DRC2: variants seen among roughly 807,000 people sequenced by gnomAD.
DRC2 encodes the protein coiled-coil domain containing 65.
chr12:48,919,539 A>T, the DRC2 span, among the ~76,000 whole-genome samples: 5 of 149,624 alleles, frequency 3.3e-5, no homozygotes, highest in Non-Finnish European at 7.4e-5. Flanking sequence ...TTTGAGACGA[A>T]GTTTTATTCA....
At chr12:48,919,147 A>C in the DRC2 span, among the ~76,000 whole-genome samples, 11 of 152,018 alleles carry the variant, frequency 7.2e-5, no homozygotes, top group Admixed American at 7.2e-4. Flanking sequence ...TCCTGGCCTC[A>C]AGCAGTCCTC....
the DRC2 span, chr12:48,918,382 T>A: frequency 6.2e-7 from 1 of 1,614,084 alleles, no homozygotes; most frequent in South Asian, 1.1e-5. Context: ...CCACAGAGGA[T>A]CGAAAGGCTG....
At chr12:48,914,894 T>C in the DRC2 span, among the ~76,000 whole-genome samples, 1 of 152,038 alleles carries the variant, frequency 6.6e-6, no homozygotes, top group East Asian at 1.9e-4. Context: ...AGTGTCGCTC[T>C]GTTGTCCAGG....
chr12:48,905,957 A>G, the DRC2 span, among the ~76,000 whole-genome samples: 1 of 151,930 alleles, frequency 6.6e-6, no homozygotes, highest in African/African-American at 2.4e-5. Context: ...TTTTTAGTTG[A>G]GATGGGGGTT....
At chr12:48,913,534 C>T in the DRC2 span, among the ~76,000 whole-genome samples, 1 of 151,944 alleles carries the variant, frequency 6.6e-6, no homozygotes, top group African/African-American at 2.4e-5. Context: ...GCACTGTCAC[C>T]CGGGCTGGAG....
chr12:48,904,435 A>C, the DRC2 span: 2 of 1,613,894 alleles, frequency 1.2e-6, no homozygotes, highest in African/African-American at 2.7e-5. Flanking sequence ...AGATGGCCAA[A>C]AAGAAGGAGA....
At chr12:48,904,847 C>T in the DRC2 span, 40 of 1,050,670 alleles carry the variant, frequency 3.8e-5, no homozygotes, top group African/African-American at 6.4e-5. Flanking sequence ...CCGTTCCCAT[C>T]GAAAAGGGGT....
chr12:48,912,006 T>C, the DRC2 span, among the ~76,000 whole-genome samples: 1 of 151,366 alleles, frequency 6.6e-6, no homozygotes, highest in South Asian at 2.1e-4. Flanking sequence ...ACACCTGTAA[T>C]CCCAGCACTT....
chr12:48,912,546 C>G, the DRC2 span, among the ~76,000 whole-genome samples: 1 of 151,128 alleles, frequency 6.6e-6, no homozygotes, highest in Admixed American at 6.6e-5. Flanking sequence ...GGGCGGGAAG[C>G]AGAAACTGCC....
At chr12:48,915,548 T>G in the DRC2 span, among the ~76,000 whole-genome samples, 12 of 151,972 alleles carry the variant, frequency 7.9e-5, no homozygotes, top group African/African-American at 2.7e-4. Context: ...GATTTCTCAA[T>G]CTTTTCCCCA....
the DRC2 span, among the ~76,000 whole-genome samples, chr12:48,905,566 C>G: frequency 6.6e-6 from 1 of 152,156 alleles, no homozygotes; most frequent in Non-Finnish European, 1.5e-5. Context: ...TTCAGTGGCC[C>G]TGGATAAGGT....
the DRC2 span, chr12:48,918,053 C>G: frequency 2.0e-5 from 10 of 500,738 alleles, no homozygotes; most frequent in Non-Finnish European, 3.2e-5. Context: ...GACTGCCCCT[C>G]CTCCTCCCAA....
At chr12:48,916,887 T>TC in the DRC2 span, 1 of 1,348,974 alleles carries the variant, frequency 7.4e-7, no homozygotes, top group East Asian at 2.3e-5. Context: ...ACCATTCACA[T>TC]AGATTACATA....
the DRC2 span, among the ~76,000 whole-genome samples, chr12:48,909,298 C>G: frequency 6.6e-6 from 1 of 152,046 alleles, no homozygotes; most frequent in East Asian, 1.9e-4. Context: ...CTGCCTTGGC[C>G]TCCCAAAGTG....
the DRC2 span, among the ~76,000 whole-genome samples, chr12:48,915,131 ATTG>A: frequency 2.2e-5 from 1 of 44,866 alleles, no homozygotes; most frequent in Non-Finnish European, 5.0e-5. Flanking sequence ...TTTTTTTTTT[ATTG>A]ATCATTCTTG....
the DRC2 span, among the ~76,000 whole-genome samples, chr12:48,907,768 T>G: frequency 1.1e-3 from 170 of 152,302 alleles, no homozygotes; most frequent in African/African-American, 3.9e-3. Flanking sequence ...AATTCTCCTT[T>G]GGCTTGCATG....
At chr12:48,905,202 A>G in the DRC2 span, 1 of 1,172,338 alleles carries the variant, frequency 8.5e-7, no homozygotes, top group Non-Finnish European at 1.2e-6. Context: ...AGCCCTCACA[A>G]GACACAGGCT....
At chr12:48,919,402 T>C in the DRC2 span, among the ~76,000 whole-genome samples, 1 of 152,092 alleles carries the variant, frequency 6.6e-6, no homozygotes, top group Non-Finnish European at 1.5e-5. Context: ...TTTCGCCATG[T>C]TGCCCAGGCT....
At chr12:48,914,503 C>A in the DRC2 span, 2 of 1,614,154 alleles carry the variant, frequency 1.2e-6, no homozygotes, top group Non-Finnish European at 1.7e-6. Context: ...GCAGAGGCAC[C>A]GGCTCAGTCT....
Sources: gnomAD v4.1 joint callset for allele counts (sites outside exome capture counted in the v4.1 genomes callset) on GRCh38, gnomAD v4.1.1 for gene constraint, MANE v1.5 for transcripts, NCBI Gene and HGNC (gene_info 2026-07-23, HGNC 2026-07-21) for gene names.